Variants in EPC1 observed in about 807,000 individuals in gnomAD.
The protein encoded by EPC1 is enhancer of polycomb homolog 1.
In EPC1, 12 loss-of-function variants were observed where a neutral mutation model predicts 98.4. That is an observed-to-expected ratio of 0.12 (90% CI 0.08 to 0.20). The LOEUF (loss-of-function observed/expected upper bound fraction) is 0.20. Among genes scored for constraint, EPC1 ranks in the 10% least tolerant of loss-of-function variants. The pLI is 1.00. For missense variants in EPC1, 729 were observed against 990.5 expected (o/e 0.74, Z 3.54); for synonymous variants, 357 against 363.9 (o/e 0.98, Z 0.21).
At chr10:32,280,698 A>G (rs113895874) in intron 10 of EPC1, among the ~76,000 whole-genome samples, 137 of 152,246 alleles carry the variant, frequency 9.0e-4, no homozygotes, top group South Asian at 2.7e-3. Flanking sequence ...AGATCATGCC[A>G]CTGCACTCCA....
intron 1 of EPC1, among the ~76,000 whole-genome samples, chr10:32,333,287 C>T (rs1837750929): frequency 6.6e-6 from 1 of 152,140 alleles, no homozygotes; most frequent in South Asian, 2.1e-4. Flanking sequence ...TTGCAGTGAG[C>T]CGAGATCGTG....
intron 6 of EPC1, among the ~76,000 whole-genome samples, chr10:32,289,520 A>C (rs1403015118): frequency 6.6e-6 from 1 of 152,142 alleles, no homozygotes; most frequent in Non-Finnish European, 1.5e-5. Context: ...AATAAAAAAA[A>C]AACCTGAGTG....
At chr10:32,272,922 A>G in intron 11 of EPC1, 1 of 1,039,710 alleles carries the variant, frequency 9.6e-7, no homozygotes. Context: ...ACTACAGGTC[A>G]GACGGGAAGA....
intron 6 of EPC1, among the ~76,000 whole-genome samples, chr10:32,290,192 T>C (rs1836916633): frequency 6.6e-6 from 1 of 151,742 alleles, no homozygotes; most frequent in Non-Finnish European, 1.5e-5. Flanking sequence ...ACAGAAAAAC[T>C]CATTTGAGGC....
intron 1 of EPC1, among the ~76,000 whole-genome samples, chr10:32,342,089 GAAGT>G (rs201969742): frequency 0.02 from 3,039 of 152,230 alleles, 106 homozygotes; most frequent in African/African-American, 0.07. Flanking sequence ...GATTTTATCT[GAAGT>G]AATTGTAATC....
chr10:32,357,886 C>T (rs950219862), intron 1 of EPC1, among the ~76,000 whole-genome samples: 1 of 137,252 alleles, frequency 7.3e-6, no homozygotes, highest in Non-Finnish European at 1.5e-5. Context: ...GACAGAGTCT[C>T]ACTCTGTTGC....
At chr10:32,350,954 C>T (rs1564563995), upstream of EPC1, among the ~76,000 whole-genome samples, 2 of 152,212 alleles carry the variant, frequency 1.3e-5, no homozygotes, top group East Asian at 3.9e-4. Context: ...TCACTTCACC[C>T]CTAGAAACAG....
intron 10 of EPC1, chr10:32,283,343 G>GT (rs1836507458): frequency 6.6e-6 from 1 of 151,758 alleles, no homozygotes; most frequent in Non-Finnish European, 1.5e-5. Flanking sequence ...TTGAAACAGG[G>GT]TTTTGCTTTG....
chr10:32,323,561 T>C (rs911143355), intron 1 of EPC1, among the ~76,000 whole-genome samples: 1 of 152,214 alleles, frequency 6.6e-6, no homozygotes, highest in Non-Finnish European at 1.5e-5. Context: ...ATATAAAAGA[T>C]ATGATACTAT....
intron 1 of EPC1, chr10:32,345,276 A>C (rs183375339): frequency 2.0e-6 from 2 of 985,456 alleles, no homozygotes; most frequent in African/African-American, 1.7e-5. Context: ...GAGCTACTAC[A>C]TACACTTGGC....
intron 1 of EPC1, among the ~76,000 whole-genome samples, chr10:32,364,180 A>AGTAGAGAC (rs1839530264): frequency 2.0e-5 from 3 of 146,960 alleles, no homozygotes; most frequent in African/African-American, 7.4e-5. Context: ...ACACCGGCTA[A>AGTAGAGAC]TTTTTGTATT....
chr10:32,301,834 G>C (rs757968907), intron 2 of EPC1, among the ~76,000 whole-genome samples: 1 of 151,828 alleles, frequency 6.6e-6, no homozygotes, highest in Admixed American at 6.6e-5. Flanking sequence ...AGAGAACATA[G>C]GAAAGGCAAA....
chr10:32,345,684 G>C, intron 1 of EPC1: 2 of 950,162 alleles, frequency 2.1e-6, no homozygotes, highest in Non-Finnish European at 2.5e-6. Flanking sequence ...TCCACAACAA[G>C]GTAAAGCCAC....
chr10:32,275,461 G>A (rs1267198494), intron 10 of EPC1, among the ~76,000 whole-genome samples: 3 of 151,200 alleles, frequency 2.0e-5, no homozygotes, highest in Non-Finnish European at 2.9e-5. Flanking sequence ...GTGAAACCCC[G>A]TCTCTATTAA....
chr10:32,375,714 A>G (rs144475152), intron 1 of EPC1, among the ~76,000 whole-genome samples: 181 of 152,114 alleles, frequency 1.2e-3, no homozygotes, highest in African/African-American at 4.1e-3. Context: ...AAATTTTGCT[A>G]CTTGCTATTA....
At chr10:32,281,399 T>C (rs1836403790) in intron 10 of EPC1, among the ~76,000 whole-genome samples, 2 of 152,168 alleles carry the variant, frequency 1.3e-5, no homozygotes, top group Admixed American at 1.3e-4. Flanking sequence ...GGCATCAGAC[T>C]ACATCAGAGT....
At chr10:32,375,596 A>C (rs1287707938) in intron 1 of EPC1, among the ~76,000 whole-genome samples, 1 of 151,946 alleles carries the variant, frequency 6.6e-6, no homozygotes, top group Non-Finnish European at 1.5e-5. Flanking sequence ...CTTTGGCATT[A>C]TTTCTTTCTG....
At chr10:32,308,068 G>A (rs959566164) in intron 1 of EPC1, among the ~76,000 whole-genome samples, 3 of 152,168 alleles carry the variant, frequency 2.0e-5, no homozygotes, top group Non-Finnish European at 2.9e-5. Context: ...GTCCAAATGA[G>A]AGGTAGCTGT....
intron 1 of EPC1, among the ~76,000 whole-genome samples, chr10:32,306,712 A>G (rs967134274): frequency 6.6e-6 from 1 of 152,224 alleles, no homozygotes; most frequent in Non-Finnish European, 1.5e-5. Flanking sequence ...TGCCTGACAT[A>G]TAACAGGTGC....
Sources: allele counts gnomAD v4.1 joint callset (sites outside exome capture counted in the v4.1 genomes callset), GRCh38; gene constraint gnomAD v4.1.1; transcripts MANE v1.5; gene names NCBI Gene and HGNC (gene_info 2026-07-23, HGNC 2026-07-21).